FSTL5: variants seen among roughly 807,000 people sequenced by gnomAD.
The protein encoded by FSTL5 is follistatin-related protein 5.
Under a neutral mutation model 89.1 loss-of-function variants are expected in FSTL5, and 62 were observed. That is an observed-to-expected ratio of 0.70 (90% confidence interval 0.57 to 0.86). The LOEUF (loss-of-function observed/expected upper bound fraction) is 0.86, where lower values mean the gene tolerates loss of function less well. Ranked by LOEUF, FSTL5 falls within the 40% of genes least tolerant of loss-of-function variation. The pLI is 0.00. For synonymous variants in FSTL5, 383 were observed against 346.2 expected, an observed-to-expected ratio of 1.11 and a Z score of -1.18; for missense variants, 1,057 against 1,001.6, an observed-to-expected ratio of 1.06 and a Z score of -0.75.
chr4:161,927,929 C>T (rs1734173683), intron 3 of FSTL5, among the ~76,000 whole-genome samples: 1 of 151,592 alleles, frequency 6.6e-6, no homozygotes, highest in Non-Finnish European at 1.5e-5. Context: ...TCCCTTCCCA[C>T]AGAAACACAC....
intron 15 of FSTL5, among the ~76,000 whole-genome samples, chr4:161,412,157 A>G (rs1731614706): frequency 1.3e-5 from 2 of 152,140 alleles, no homozygotes; most frequent in African/African-American, 2.4e-5. Flanking sequence ...CTCTACAAAG[A>G]GAACTAGAAG....
At chr4:161,405,056 C>A (rs1731321254) in intron 15 of FSTL5, among the ~76,000 whole-genome samples, 1 of 151,878 alleles carries the variant, frequency 6.6e-6, no homozygotes, top group Non-Finnish European at 1.5e-5. Context: ...CATGGTGAAA[C>A]CCTGTCTCTA....
intron 3 of FSTL5, among the ~76,000 whole-genome samples, chr4:162,001,908 T>G (rs1736475670): frequency 6.6e-6 from 1 of 152,148 alleles, no homozygotes; most frequent in Non-Finnish European, 1.5e-5. Context: ...TCAGGCATCA[T>G]GATGGTTCAA....
chr4:161,649,100 G>A (rs191388098), intron 7 of FSTL5, among the ~76,000 whole-genome samples: 5 of 152,146 alleles, frequency 3.3e-5, no homozygotes, highest in East Asian at 1.9e-4. Flanking sequence ...TTAACAGCCC[G>A]GACAACTACA....
intron 4 of FSTL5, among the ~76,000 whole-genome samples, chr4:161,873,027 G>GA (rs1732325371): frequency 6.6e-6 from 1 of 152,072 alleles, no homozygotes; most frequent in African/African-American, 2.4e-5. Context: ...TGGAACTATA[G>GA]AAAAAAGTTG....
At chr4:161,396,293 T>G (rs1730996084) in intron 15 of FSTL5, among the ~76,000 whole-genome samples, 1 of 151,868 alleles carries the variant, frequency 6.6e-6, no homozygotes, top group Admixed American at 6.6e-5. Flanking sequence ...AGCAGTAGAC[T>G]AAATATACAC....
chr4:162,018,017 C>A (rs1578950988), intron 3 of FSTL5, among the ~76,000 whole-genome samples: 1 of 152,150 alleles, frequency 6.6e-6, no homozygotes, highest in Non-Finnish European at 1.5e-5. Flanking sequence ...GCAAGGCAAG[C>A]AGTTCCTGGG....
Position 161,801,185 on chromosome 4 carries a change from T to C in FSTL5, c.410-25111A>G, listed in dbSNP as rs897184672. Among the ~76,000 whole-genome samples the C allele has an allele frequency of 2.0e-5, 3 of 151,658 alleles. No homozygotes were observed. In the East Asian group the frequency reaches 5.8e-4, roughly 29 times the overall value. Reference sequence around the variant, plus strand: ...TTAATGTTTTCATTTTTGTTGTTCATGCATTTATTGTAAGGGGGCAAGTAG... The same window carrying C: ...TTAATGTTTTCATTTTTGTTGTTCACGCATTTATTGTAAGGGGGCAAGTAG... On this transcript the variant is annotated intron_variant, in intron 4 of 15. Transcript: ENST00000306100.
At chr4:162,049,620 A>G (rs1007191404) in intron 2 of FSTL5, among the ~76,000 whole-genome samples, 3 of 152,186 alleles carry the variant, frequency 2.0e-5, no homozygotes, top group Admixed American at 1.3e-4. Flanking sequence ...GAATTAAGTT[A>G]GGATTAACAA....
chr4:161,711,557 C>G (rs925410672), intron 6 of FSTL5, among the ~76,000 whole-genome samples: 1 of 152,038 alleles, frequency 6.6e-6, no homozygotes, highest in Non-Finnish European at 1.5e-5. Flanking sequence ...GATGTTTTTA[C>G]TAAAAATTTC....
chr4:162,109,318 C>T (rs1391629177), intron 2 of FSTL5, among the ~76,000 whole-genome samples: 1 of 151,968 alleles, frequency 6.6e-6, no homozygotes, highest in East Asian at 1.9e-4. Flanking sequence ...TTGTACAACC[C>T]AGGATTCCTA....
rs372330678 is a variant in FSTL5 at position 161,920,624 on chromosome 4, T to C, written c.189A>G (p.Gly63=). Residue 63 remains glycine, a synonymous_variant, in exon 4 of 16, where the codon GGA becomes GGG. Transcript: ENST00000306100. ...KGFMIQDGPF[G]SCENKYCGLG... is the part of the protein sequence containing the mutation. Reference sequence around the variant, plus strand: ...AACCACAGTACTTATTTTCACAAGATCCAAAAGGGCCATCCTGAATCATAA... The same window carrying C: ...AACCACAGTACTTATTTTCACAAGACCCAAAAGGGCCATCCTGAATCATAA... 9.7e-5 allele frequency: 157 copies of C among 1,612,044 alleles called. No individual in the cohort carries two copies. Among genetic ancestry groups the C allele is most frequent in the Non-Finnish European group, 1.3e-4 (150 of 1,179,618 alleles).
rs189208862 is a variant in FSTL5 at position 161,826,421 on chromosome 4, G to C, written c.410-50347C>G. ...ATTCTAGGTATAGTTTAAATCCATT[G>C]TTTTTTTTGTTGTTGTTGTTGACTT... On this transcript the variant is annotated intron_variant, in intron 4 of 15. Coordinates refer to ENST00000306100, the MANE Select transcript of FSTL5 (RefSeq NM_020116.5). 1.9e-3 allele frequency among the ~76,000 whole-genome samples: 290 copies of C among 151,432 alleles called. 1 individual carries two copies. Among genetic ancestry groups the C allele is most frequent in the African/African-American group, 6.6e-3 (271 of 40,990 alleles).
intron 5 of FSTL5, among the ~76,000 whole-genome samples, chr4:161,761,116 G>T (rs1166019434): frequency 1.3e-5 from 2 of 152,098 alleles, no homozygotes; most frequent in East Asian, 3.9e-4. Context: ...CCTTGAGGAA[G>T]AAAAAAGGCA....
intron 13 of FSTL5, among the ~76,000 whole-genome samples, chr4:161,459,936 T>G (rs967503102): frequency 6.6e-6 from 1 of 151,332 alleles, no homozygotes; most frequent in African/African-American, 2.4e-5. Flanking sequence ...TTTTTTTTGC[T>G]AATATTTATA....
chr4:161,470,319 C>A (rs1488216397), intron 13 of FSTL5, among the ~76,000 whole-genome samples: 4 of 152,044 alleles, frequency 2.6e-5, no homozygotes, highest in Admixed American at 6.6e-5. Flanking sequence ...ATGTGGACAT[C>A]CAGTTTTCCC....
intron 3 of FSTL5, among the ~76,000 whole-genome samples, chr4:161,999,515 CTT>C (rs1736400700): frequency 6.6e-6 from 1 of 152,022 alleles, no homozygotes; most frequent in Admixed American, 6.6e-5. Context: ...GAGTAAATCT[CTT>C]TTTAATTGAC....
At chr4:161,821,035 CTTTG>C (rs1002286061) in intron 4 of FSTL5, among the ~76,000 whole-genome samples, 7 of 150,574 alleles carry the variant, frequency 4.6e-5, no homozygotes, top group African/African-American at 1.2e-4. Flanking sequence ...AACAAGTTTT[CTTTG>C]TTTGTTTGTT....
intron 3 of FSTL5, 76 bp downstream of exon 3, chr4:162,033,549 C>T: frequency 4.1e-6 from 3 of 730,880 alleles, no homozygotes; most frequent in Admixed American, 6.7e-5. Context: ...ACTTTTTATT[C>T]AAAGTAGCAT....
Sources: allele counts gnomAD v4.1 joint callset (sites outside exome capture counted in the v4.1 genomes callset), GRCh38; gene constraint gnomAD v4.1.1; transcripts MANE v1.5; gene names NCBI Gene and HGNC (gene_info 2026-07-23, HGNC 2026-07-21).